The following KCNT2 variants were observed in gnomAD, a reference collection of about 807,000 sequenced individuals.
KCNT2 encodes the protein potassium channel subfamily T member 2.
A neutral mutation model predicts 153.8 loss-of-function variants in KCNT2; 67 were observed. That is an observed-to-expected ratio of 0.44 (90% CI 0.36 to 0.53). The LOEUF is 0.53. Ranked by LOEUF, KCNT2 falls within the 20% of genes least tolerant of loss-of-function variation. KCNT2 has a pLI of 0.00. For synonymous variants in KCNT2, 500 were observed against 458.8 expected (o/e 1.09, Z -1.15); for missense variants, 975 against 1,354.8 (o/e 0.72, Z 4.40).
chr1:196,437,847 G>A (rs1210684348), intron 8 of KCNT2, among the ~76,000 whole-genome samples: 1 of 151,374 alleles, frequency 6.6e-6, no homozygotes, highest in Non-Finnish European at 1.5e-5. Flanking sequence ...GCCAAGCATT[G>A]TACTGGATGT....
chr1:196,506,255 T>C (rs1219156699), intron 1 of KCNT2, among the ~76,000 whole-genome samples: 8 of 152,136 alleles, frequency 5.3e-5, no homozygotes, highest in Non-Finnish European at 8.8e-5. Flanking sequence ...AGGATTGCTA[T>C]AGAAATTTTA....
At chr1:196,605,563 G>C (rs150791299) in intron 1 of KCNT2, among the ~76,000 whole-genome samples, 1 of 152,288 alleles carries the variant, frequency 6.6e-6, no homozygotes, top group Non-Finnish European at 1.5e-5. Flanking sequence ...AAGTTGCTTT[G>C]AGAATATGGG....
intron 2 of KCNT2, among the ~76,000 whole-genome samples, chr1:196,490,339 T>C (rs1362694743): frequency 6.6e-6 from 1 of 151,452 alleles, no homozygotes; most frequent in Admixed American, 6.6e-5. Context: ...AGCCAAGTTA[T>C]AAAACTTATA....
intron 1 of KCNT2, 110 bp from the exon 2 acceptor site, chr1:196,492,451 T>A: frequency 1.2e-6 from 1 of 855,398 alleles, no homozygotes; most frequent in Non-Finnish European, 1.6e-6. Context: ...TAAAGAATAA[T>A]ACATTTTTGA....
chr1:196,497,295 C>T (rs1233655853), intron 1 of KCNT2, among the ~76,000 whole-genome samples: 1 of 152,142 alleles, frequency 6.6e-6, no homozygotes, highest in Non-Finnish European at 1.5e-5. Flanking sequence ...CAGCTATTTA[C>T]ATAACTTTCA....
chr1:196,318,415 A>G (rs1023264791), intron 20 of KCNT2, among the ~76,000 whole-genome samples: 6 of 151,764 alleles, frequency 4.0e-5, no homozygotes, highest in African/African-American at 1.4e-4. Context: ...GATCCTTTCA[A>G]TTATTTATTC....
chr1:196,553,897 G>A (rs915721864), intron 1 of KCNT2, among the ~76,000 whole-genome samples: 3 of 151,194 alleles, frequency 2.0e-5, no homozygotes, highest in African/African-American at 7.3e-5. Flanking sequence ...CAATGAAGAA[G>A]TTAAGAGGAA....
At chr1:196,572,226 A>G (rs1377775570) in intron 1 of KCNT2, among the ~76,000 whole-genome samples, 1 of 152,098 alleles carries the variant, frequency 6.6e-6, no homozygotes, top group East Asian at 1.9e-4. Flanking sequence ...TTTGGATTCA[A>G]TATGAAGATC....
intron 1 of KCNT2, among the ~76,000 whole-genome samples, chr1:196,515,437 T>C (rs150009339): frequency 6.6e-6 from 1 of 151,226 alleles, no homozygotes; most frequent in East Asian, 1.9e-4. Flanking sequence ...TATGCATATT[T>C]CATTTGTACT....
chr1:196,364,342 G>A (rs186529141), intron 14 of KCNT2, among the ~76,000 whole-genome samples: 389 of 152,040 alleles, frequency 2.6e-3, no homozygotes, highest in African/African-American at 9.0e-3. Flanking sequence ...CCTTGAATAC[G>A]TAATTTTATT....
intron 22 of KCNT2, among the ~76,000 whole-genome samples, chr1:196,286,797 T>A (rs1659714772): frequency 6.6e-6 from 1 of 152,150 alleles, no homozygotes; most frequent in Non-Finnish European, 1.5e-5. Flanking sequence ...CAAATTTGTT[T>A]AAGTTTAGAA....
At chr1:196,409,425 T>A (rs1256720350) in intron 12 of KCNT2, among the ~76,000 whole-genome samples, 2 of 151,590 alleles carry the variant, frequency 1.3e-5, no homozygotes, top group African/African-American at 4.8e-5. Flanking sequence ...ATATTTTGTT[T>A]TTTTCAGTCA....
chr1:196,482,506 T>C, intron 3 of KCNT2, 127 bp from the exon 4 acceptor site: 1 of 502,122 alleles, frequency 2.0e-6, no homozygotes, highest in Non-Finnish European at 3.5e-6. Flanking sequence ...AAATCAACAT[T>C]TGAAAAAACG....
intron 1 of KCNT2, among the ~76,000 whole-genome samples, chr1:196,525,018 G>A (rs1653988531): frequency 6.6e-6 from 1 of 152,100 alleles, no homozygotes; most frequent in East Asian, 1.9e-4. Flanking sequence ...GTATTTTGGA[G>A]ATCTTTGCAA....
At chr1:196,319,444 A>G in intron 20 of KCNT2, 40 bp downstream of exon 20, 2 of 1,397,062 alleles carry the variant, frequency 1.4e-6, no homozygotes, top group Non-Finnish European at 2.0e-6. Context: ...AAACCACAGG[A>G]CACTACACTA....
At chr1:196,588,129 G>A (rs1329202158) in intron 1 of KCNT2, among the ~76,000 whole-genome samples, 1 of 152,054 alleles carries the variant, frequency 6.6e-6, no homozygotes, top group East Asian at 1.9e-4. Flanking sequence ...AGTGGCTTTT[G>A]AATATCTTAA....
At chr1:196,319,649 C>A in intron 19 of KCNT2, 94 bp from the exon 20 acceptor site, 1 of 665,368 alleles carries the variant, frequency 1.5e-6, no homozygotes, top group Non-Finnish European at 2.6e-6. Context: ...TTTGCATTTC[C>A]AAAACTCAAC....
chr1:196,287,221 C>T (rs1320271273), intron 22 of KCNT2, among the ~76,000 whole-genome samples: 1 of 152,068 alleles, frequency 6.6e-6, no homozygotes, highest in Admixed American at 6.6e-5. Flanking sequence ...GAGTGCTTAA[C>T]TTGAACAGCT....
At chr1:196,397,608 T>C (rs989830302) in intron 13 of KCNT2, among the ~76,000 whole-genome samples, 3 of 151,420 alleles carry the variant, frequency 2.0e-5, no homozygotes, top group Non-Finnish European at 4.4e-5. Flanking sequence ...TTGCTATACA[T>C]TGTTAGGAAA....
Sources: gnomAD v4.1 joint callset for allele counts (sites outside exome capture counted in the v4.1 genomes callset) on GRCh38, gnomAD v4.1.1 for gene constraint, MANE v1.5 for transcripts, NCBI Gene and HGNC (gene_info 2026-07-23, HGNC 2026-07-21) for gene names.